Variants in PRKAR1B observed in about 807,000 individuals in gnomAD.
PRKAR1B encodes the protein protein kinase cAMP-dependent type I regulatory subunit beta.
In PRKAR1B, 22 loss-of-function variants were observed where a neutral mutation model predicts 46.5. The observed-to-expected ratio is 0.47, with a 90% CI of 0.34 to 0.68. PRKAR1B has a LOEUF of 0.68. Among genes scored for constraint, PRKAR1B ranks in the 30% least tolerant of loss-of-function variants. The probability of loss-of-function intolerance (pLI) is 0.01; values close to 1 mark genes in which losing one functional copy is unlikely to be tolerated. For missense variants in PRKAR1B, 445 were observed against 535.6 expected, an observed-to-expected ratio of 0.83 and a Z score of 1.67; for synonymous variants, 259 against 217.7, an observed-to-expected ratio of 1.19 and a Z score of -1.67.
chr7:694,580 C>A (rs1390878423), intron 2 of PRKAR1B, among the ~76,000 whole-genome samples: 1 of 151,764 alleles, frequency 6.6e-6, no homozygotes, highest in Admixed American at 6.5e-5. Flanking sequence ...TTCAATGCCA[C>A]CTCCATAGGA....
At chr7:683,012 G>A (rs879369224) in intron 2 of PRKAR1B, among the ~76,000 whole-genome samples, 11 of 152,166 alleles carry the variant, frequency 7.2e-5, no homozygotes, top group Non-Finnish European at 1.5e-4. Context: ...CCACAGCTCG[G>A]GAGCTTCCCG....
chr7:685,242 A>G (rs1284062878), intron 2 of PRKAR1B, among the ~76,000 whole-genome samples: 3 of 127,746 alleles, frequency 2.3e-5, no homozygotes, highest in South Asian at 2.5e-4. Context: ...ACACACACAT[A>G]TAACACGTTT....
In PRKAR1B at chr7:666,259, C is replaced by T. The variant is rs1016653443; in HGVS notation, c.440+10970G>A. On this transcript the variant is annotated intron_variant, in intron 4 of 10. Transcript: ENST00000537384. The surrounding 1 kb of genome is among the most constrained non-coding windows in gnomAD (Gnocchi z 4.9). ...AGGGACAGCCTTCATGGTCCTGGCA[C>T]ATCAGAGAGCTCCGGAACATGCGGG... Among the ~76,000 whole-genome samples, 16 of 129,230 alleles carry T rather than the reference C, an allele frequency of 1.2e-4. No individual in the cohort carries two copies. Among genetic ancestry groups the T allele is most frequent in the African/African-American group, 7.2e-4 (16 of 22,158 alleles). 84.8% of individuals were successfully genotyped at this position (129,230 alleles called of 152,430 possible).
intron 4 of PRKAR1B, among the ~76,000 whole-genome samples, chr7:621,759 G>GT (rs1462647981): frequency 1.3e-5 from 2 of 152,234 alleles, no homozygotes; most frequent in Non-Finnish European, 2.9e-5. Context: ...AGGGGACTGA[G>GT]TTTCTGAAGA....
At chr7:562,489 G>C (rs1269256987) in intron 9 of PRKAR1B, among the ~76,000 whole-genome samples, 1 of 152,132 alleles carries the variant, frequency 6.6e-6, no homozygotes, top group African/African-American at 2.4e-5. Context: ...CCCAACCAGG[G>C]GTCACCAGCA....
intron 6 of PRKAR1B, among the ~76,000 whole-genome samples, chr7:601,198 C>T (rs763261431): frequency 3.2e-4 from 49 of 152,334 alleles, no homozygotes; most frequent in Middle Eastern, 6.8e-3. Context: ...CTTCCCGCCA[C>T]GCAGAATAAA....
intron 9 of PRKAR1B, chr7:579,047 G>A (rs1780028086): frequency 1.0e-6 from 1 of 985,466 alleles, no homozygotes; most frequent in African/African-American, 1.7e-5. Flanking sequence ...AAGAAGGGAG[G>A]CTTTTGATGC....
chr7:691,844 C>G (rs1412229933), intron 2 of PRKAR1B: 2 of 1,167,228 alleles, frequency 1.7e-6, no homozygotes, highest in African/African-American at 3.2e-5. Context: ...CCTCATCACT[C>G]TCCGGTCACC....
intron 1 of PRKAR1B, 102 bp downstream of exon 1, chr7:727,084 GCCGCGCGCTTGGCCGGCCCCGTGC>G (rs1781341312): frequency 9.6e-7 from 1 of 1,047,032 alleles, no homozygotes; most frequent in Non-Finnish European, 1.1e-6. Context: ...GCCCGCGCTC[GCCGCGCGCTTGGCCGGCCCCGTGC>G]CCGCGCGCCG....
intron 2 of PRKAR1B, among the ~76,000 whole-genome samples, chr7:699,307 A>C (rs1361149609): frequency 6.6e-6 from 1 of 152,134 alleles, no homozygotes; most frequent in African/African-American, 2.4e-5. Flanking sequence ...ATTCGATGAG[A>C]TAAAGTATGC....
intron 9 of PRKAR1B, 25 bp from the exon 10 acceptor site, chr7:551,495 G>A (rs377407777): frequency 6.5e-7 from 1 of 1,548,840 alleles, no homozygotes; most frequent in South Asian, 1.2e-5. Flanking sequence ...GGACAGACGT[G>A]AGTGCCAGCC....
chr7:716,039 T>A (rs1780872946), intron 1 of PRKAR1B, among the ~76,000 whole-genome samples: 1 of 151,158 alleles, frequency 6.6e-6, no homozygotes. Context: ...ATATATTTTT[T>A]TTTTTAAATC....
At position 602,739 on chromosome 7, in the gene PRKAR1B, G is replaced by C. The variant is rs1462479264; in HGVS notation, c.549+3454C>G. On this transcript the variant is annotated intron_variant, in intron 6 of 10. Coordinates refer to ENST00000537384, the MANE Select transcript of PRKAR1B (RefSeq NM_001164760.2). This position sits in a 1 kb window ranked among gnomAD's most constrained non-coding sequence, Gnocchi z 6.4. ...GACGGGGCGGGGCAGCTGCCAGGCGGCCAATGGCTTCCACACCAGGGGCCA... is the reference window on the plus strand; with the variant it reads ...GACGGGGCGGGGCAGCTGCCAGGCGCCCAATGGCTTCCACACCAGGGGCCA... 1.2e-5 allele frequency: 2 copies of C among 169,700 alleles called. No individual in the cohort carries two copies. The highest frequency in any genetic ancestry group is 3.8e-4 in the East Asian group (2 of 5,204). 10.5% of individuals were successfully genotyped at this position (169,700 alleles called of 1,614,324 possible).
At chr7:658,812 G>C (rs1255800444) in intron 4 of PRKAR1B, among the ~76,000 whole-genome samples, 2 of 151,974 alleles carry the variant, frequency 1.3e-5, no homozygotes. Context: ...CATCATGCCA[G>C]GCTAATTTTT....
chr7:565,491 T>C (rs1018160633), intron 9 of PRKAR1B: 5 of 152,284 alleles, frequency 3.3e-5, no homozygotes, highest in Admixed American at 2.6e-4. Flanking sequence ...CCTTGGACAC[T>C]GCCCATCTTC....
At chr7:685,115 C>T (rs374828628) in intron 2 of PRKAR1B, among the ~76,000 whole-genome samples, 3 of 149,908 alleles carry the variant, frequency 2.0e-5, no homozygotes, top group East Asian at 3.9e-4. Context: ...ATTCATGTTA[C>T]ACATATAACA....
chr7:613,586 G>A (rs370117665), intron 4 of PRKAR1B, among the ~76,000 whole-genome samples: 17 of 152,184 alleles, frequency 1.1e-4, no homozygotes, highest in African/African-American at 3.9e-4. Context: ...AATCACACAC[G>A]CGGGGTTGAA....
chr7:617,558 C>T (rs185217260), intron 4 of PRKAR1B, among the ~76,000 whole-genome samples: 2 of 152,278 alleles, frequency 1.3e-5, no homozygotes, highest in Non-Finnish European at 2.9e-5. Flanking sequence ...TTGCTCAGAC[C>T]CACACTAACA....
chr7:645,895 C>A (rs1201988712), intron 4 of PRKAR1B, among the ~76,000 whole-genome samples: 1 of 152,204 alleles, frequency 6.6e-6, no homozygotes, highest in Non-Finnish European at 1.5e-5. Flanking sequence ...CAGCCCCGAT[C>A]TGGTCCCTGT....
Sources: allele counts gnomAD v4.1 joint callset (sites outside exome capture counted in the v4.1 genomes callset), GRCh38; gene constraint gnomAD v4.1.1; non-coding constraint Gnocchi (gnomAD v3.1); transcripts MANE v1.5; gene names NCBI Gene and HGNC (gene_info 2026-07-23, HGNC 2026-07-21).